Variants in DGAT2 observed in about 807,000 individuals in gnomAD.
DGAT2 encodes the protein acyl-CoA retinol O-fatty-acyltransferase.
In DGAT2, 33 loss-of-function variants were observed where a neutral mutation model predicts 48.4. The ratio of observed to expected loss-of-function variants is 0.68; its 90% CI spans 0.52 to 0.91. DGAT2 has a LOEUF of 0.91. Ranked by LOEUF, DGAT2 falls within the 40% of genes least tolerant of loss-of-function variation. The pLI is 0.00. For synonymous variants in DGAT2, 191 were observed against 194.1 expected (o/e 0.98, Z 0.13); for missense variants, 446 against 493.7 (o/e 0.90, Z 0.92).
At chr11:75,787,958 C>T (rs1171431659) in intron 2 of DGAT2, among the ~76,000 whole-genome samples, 1 of 152,216 alleles carries the variant, frequency 6.6e-6, no homozygotes, top group Non-Finnish European at 1.5e-5. Context: ...GCCTCTTCTT[C>T]TCCATCCAGG....
chr11:75,786,395 C>T (rs551805776), intron 2 of DGAT2, among the ~76,000 whole-genome samples: 1 of 152,296 alleles, frequency 6.6e-6, no homozygotes, highest in Admixed American at 6.5e-5. Context: ...AGACCCCCTG[C>T]CTAGTCTGCT....
chr11:75,775,251 C>G (rs115899920), intron 1 of DGAT2, among the ~76,000 whole-genome samples: 16 of 152,288 alleles, frequency 1.1e-4, no homozygotes, highest in Admixed American at 3.3e-4. Flanking sequence ...AGAGGCTTAG[C>G]GCCCCTGCAG....
intron 5 of DGAT2, 117 bp downstream of exon 5, chr11:75,796,649 G>A: frequency 9.2e-7 from 1 of 1,081,656 alleles, no homozygotes; most frequent in Non-Finnish European, 1.3e-6. Flanking sequence ...GCCTGCATTG[G>A]GAGATGCAAC....
intron 2 of DGAT2, among the ~76,000 whole-genome samples, chr11:75,787,415 C>T (rs566808340): frequency 1.3e-5 from 2 of 152,370 alleles, no homozygotes; most frequent in East Asian, 3.9e-4. Context: ...ACACTGCTGC[C>T]TTCCCTGCCA....
intron 1 of DGAT2, among the ~76,000 whole-genome samples, chr11:75,772,362 C>T (rs1040920216): frequency 2.0e-5 from 3 of 152,178 alleles, no homozygotes; most frequent in Non-Finnish European, 2.9e-5. Flanking sequence ...GAACAGCCTC[C>T]ACTGCCATCA....
chr11:75,780,542 A>G (rs1944850216), intron 1 of DGAT2, among the ~76,000 whole-genome samples: 1 of 152,218 alleles, frequency 6.6e-6, no homozygotes, highest in Non-Finnish European at 1.5e-5. Flanking sequence ...AGCTGGGTCT[A>G]GAAACCCAAG....
intron 1 of DGAT2, among the ~76,000 whole-genome samples, chr11:75,769,622 A>G (rs1944736423): frequency 1.3e-5 from 2 of 152,074 alleles, no homozygotes; most frequent in South Asian, 4.1e-4. Context: ...AGGACCCTGC[A>G]TGTCCTCCAA....
At chr11:75,780,577 A>G (rs1369115339) in intron 1 of DGAT2, among the ~76,000 whole-genome samples, 3 of 152,218 alleles carry the variant, frequency 2.0e-5, no homozygotes, top group Non-Finnish European at 2.9e-5. Flanking sequence ...TACCTGCTGT[A>G]GAAGATGCCT....
rs755649192 is a variant in DGAT2, at chr11:75,801,269, G to A, written c.*761G>A. The A allele has an allele frequency of 3.3e-5, 5 of 152,720 alleles. No homozygotes were observed. The highest frequency in any genetic ancestry group is 5.9e-5 in the Non-Finnish European group (4 of 68,058). The allele number at this position is 152,720 out of a possible 1,614,324, so 9.5% of individuals were successfully genotyped here. A position where few individuals can be genotyped will look rare whatever the true frequency, so the allele number is the denominator to read the frequency against. On this transcript the variant is annotated 3_prime_UTR_variant, in exon 8 of 8. Transcript: ENST00000228027. ...GGCCTGGAGCACATGCTTACTGGTGGCCTCAGTTTACCTTCCCCAGATCCT... is the reference window on the plus strand; with the variant it reads ...GGCCTGGAGCACATGCTTACTGGTGACCTCAGTTTACCTTCCCCAGATCCT...
At chr11:75,794,479 G>A (rs1189843410) in intron 4 of DGAT2, 1 of 152,314 alleles carries the variant, frequency 6.6e-6, no homozygotes, top group Non-Finnish European at 1.5e-5. Flanking sequence ...TGTTATCCAG[G>A]AATTGTATTT....
rs554373197 is a variant in DGAT2 at position 75,796,249 on chromosome 11, C to A, written c.430-79C>A. ...GGAGGTCCAGGGGAAATGACACATC[C>A]AATCCCTCCCTACCCTCCGGGTATG... On this transcript the variant is annotated intron_variant, in intron 4 of 7. Transcript: ENST00000228027. 4 of 1,281,818 alleles carry A rather than the reference C, an allele frequency of 3.1e-6. No individual in the cohort carries two copies. In the African/African-American group the frequency reaches 4.4e-5, roughly 14 times the overall value. The allele number at this position is 1,281,818 out of a possible 1,614,324, so 79.4% of individuals were successfully genotyped here.
chr11:75,790,957 C>T (rs1350082388), intron 4 of DGAT2, among the ~76,000 whole-genome samples: 1 of 152,256 alleles, frequency 6.6e-6, no homozygotes, highest in Non-Finnish European at 1.5e-5. Context: ...GTTTGGCTTT[C>T]AGTCTCAGCT....
chr11:75,777,839 CCT>C (rs1311305609), intron 1 of DGAT2, among the ~76,000 whole-genome samples: 1 of 151,954 alleles, frequency 6.6e-6, no homozygotes, highest in Admixed American at 6.6e-5. Flanking sequence ...TCCTCCTGCC[CCT>C]CTCTCTATCT....
At chr11:75,797,983 G>A (rs980146140) in intron 6 of DGAT2, among the ~76,000 whole-genome samples, 6 of 152,234 alleles carry the variant, frequency 3.9e-5, no homozygotes, top group Admixed American at 6.5e-5. Flanking sequence ...CCAGAGCAGG[G>A]CGCTCAGCCT....
At chr11:75,770,317 G>A (rs146155064) in intron 1 of DGAT2, among the ~76,000 whole-genome samples, 52 of 152,218 alleles carry the variant, frequency 3.4e-4, no homozygotes, top group African/African-American at 1.2e-3. Context: ...CTTCTTGTGT[G>A]ATTATCGCTG....
chr11:75,777,766 A>G (rs907133410), intron 1 of DGAT2, among the ~76,000 whole-genome samples: 5 of 152,156 alleles, frequency 3.3e-5, no homozygotes, highest in Admixed American at 6.5e-5. Context: ...TGAGCTGCCC[A>G]CAGTCTCTGT....
rs556906036 is a variant in DGAT2, at chr11:75,783,457, C to G, written c.122-1161C>G. On this transcript the variant is annotated intron_variant, in intron 1 of 7. Transcript: ENST00000228027. ...AAAAGCAAAGGCTTGAGTGTAGGCC[C>G]CTAAATCCGTCTTTCTCCCTGCTCC... Among the ~76,000 whole-genome samples, 5 of 152,286 alleles carry G rather than the reference C, an allele frequency of 3.3e-5. No individual in the cohort carries two copies. The East Asian group carries it at 7.7e-4, about 23-fold the overall frequency.
chr11:75,792,092 G>T (rs968004399), intron 4 of DGAT2: 6 of 152,248 alleles, frequency 3.9e-5, no homozygotes, highest in Non-Finnish European at 5.9e-5. Flanking sequence ...GTCTCCAGGA[G>T]GCCAGTAGCC....
At chr11:75,788,627 T>C (rs1347080154) in intron 2 of DGAT2, among the ~76,000 whole-genome samples, 1 of 152,100 alleles carries the variant, frequency 6.6e-6, no homozygotes, top group Non-Finnish European at 1.5e-5. Flanking sequence ...TCTTCTCCCA[T>C]GGGAAACCAA....
Sources: allele counts gnomAD v4.1 joint callset (sites outside exome capture counted in the v4.1 genomes callset), GRCh38; gene constraint gnomAD v4.1.1; transcripts MANE v1.5; gene names NCBI Gene and HGNC (gene_info 2026-07-23, HGNC 2026-07-21).